Variants in SNTB1 observed in about 807,000 individuals in gnomAD.
SNTB1 encodes the protein beta-1-syntrophin.
Under a neutral mutation model 48.9 loss-of-function variants are expected in SNTB1, and 36 were observed. That is an observed-to-expected ratio of 0.74 (90% CI 0.56 to 0.97). SNTB1 has a LOEUF of 0.97. Ranked by LOEUF, SNTB1 falls within the 50% of genes least tolerant of loss-of-function variation. The probability of loss-of-function intolerance (pLI) is 0.00; values close to 1 mark genes in which losing one functional copy is unlikely to be tolerated. For synonymous variants in SNTB1, 299 were observed against 294.6 expected (o/e 1.01, Z -0.15); for missense variants, 786 against 703.4 (o/e 1.12, Z -1.33).
At chr8:120,589,006 G>A (rs1464815864) in intron 3 of SNTB1, among the ~76,000 whole-genome samples, 1 of 152,156 alleles carries the variant, frequency 6.6e-6, no homozygotes, top group Non-Finnish European at 1.5e-5. Flanking sequence ...TTCTACCAGT[G>A]ACCAGTCTCC....
rs563492807 is a variant in SNTB1, at chr8:120,561,310, ACTCCAT to A, written c.1137-12358_1137-12353del. Reference sequence around the variant, plus strand: ...ACTCCAGCCTGGGTGACAGAGTGAAACTCCATCTCAAAAAAAAAAAAAAAAAAAAAG... The same window carrying A: ...ACTCCAGCCTGGGTGACAGAGTGAAACTCAAAAAAAAAAAAAAAAAAAAAG... On this transcript the variant is annotated intron_variant, in intron 4 of 6. Coordinates refer to ENST00000517992, the MANE Select transcript of SNTB1 (RefSeq NM_021021.4). 7.2e-3 allele frequency among the ~76,000 whole-genome samples: 989 copies of A among 138,006 alleles called. 5 individuals carry two copies. The highest frequency in any genetic ancestry group is 0.011 in the Non-Finnish European group (708 of 63,900). 90.5% of individuals were successfully genotyped at this position (138,006 alleles called of 152,430 possible). A position where few individuals can be genotyped will look rare whatever the true frequency, so the allele number is the denominator to read the frequency against.
intron 3 of SNTB1, among the ~76,000 whole-genome samples, chr8:120,587,130 A>G (rs1271213405): frequency 1.3e-5 from 2 of 152,206 alleles, no homozygotes; most frequent in Non-Finnish European, 2.9e-5. Flanking sequence ...TTGAGGCAGG[A>G]GAATCGCTTG....
At chr8:120,692,937 A>G (rs1056911634) in intron 2 of SNTB1, among the ~76,000 whole-genome samples, 53 of 152,184 alleles carry the variant, frequency 3.5e-4, no homozygotes, top group Non-Finnish European at 2.4e-4. Flanking sequence ...AGGTAATTTA[A>G]GGAAAGAGGT....
At position 120,565,583 on chromosome 8, in the gene SNTB1, C is replaced by G. The variant is rs1815735809; in HGVS notation, c.1136+9503G>C. Among the ~76,000 whole-genome samples the G allele has an allele frequency of 1.3e-5, 2 of 152,160 alleles. 1 individual carries two copies. Among genetic ancestry groups the G allele is most frequent in the South Asian group, 4.1e-4 (2 of 4,826 alleles). Reference sequence around the variant, plus strand: ...ACCAGGGAAAATGCTAGAAGGTCATCTAAGTGAAAAGGAAGGGCAGCAGCA... The same window carrying G: ...ACCAGGGAAAATGCTAGAAGGTCATGTAAGTGAAAAGGAAGGGCAGCAGCA... On this transcript the variant is annotated intron_variant, in intron 4 of 6. Transcript: ENST00000517992.
At chr8:120,625,569 G>A (rs1816859869) in intron 3 of SNTB1, among the ~76,000 whole-genome samples, 1 of 152,164 alleles carries the variant, frequency 6.6e-6, no homozygotes. Flanking sequence ...GATGATGGAG[G>A]CAATCTGAAT....
chr8:120,645,479 T>C (rs1050772881), intron 2 of SNTB1, among the ~76,000 whole-genome samples: 336 of 151,912 alleles, frequency 2.2e-3, no homozygotes, highest in African/African-American at 7.2e-3. Context: ...GTTGTAGACA[T>C]GCGGCATTAT....
At chr8:120,735,023 A>T (rs1271320609) in intron 1 of SNTB1, among the ~76,000 whole-genome samples, 1 of 152,218 alleles carries the variant, frequency 6.6e-6, no homozygotes, top group East Asian at 1.9e-4. Flanking sequence ...AAAAGCAGTC[A>T]AACTACTTAG....
intron 2 of SNTB1, among the ~76,000 whole-genome samples, chr8:120,649,798 G>A (rs1172782519): frequency 6.6e-6 from 1 of 152,150 alleles, no homozygotes; most frequent in South Asian, 2.1e-4. Context: ...ATCTCAGACT[G>A]CTGTGCTAGC....
chr8:120,546,861 T>C (rs2130649423), intron 5 of SNTB1, among the ~76,000 whole-genome samples: 1 of 152,332 alleles, frequency 6.6e-6, no homozygotes, highest in Non-Finnish European at 1.5e-5. Flanking sequence ...TATCATCATT[T>C]CTCTCTGTAT....
intron 2 of SNTB1, among the ~76,000 whole-genome samples, chr8:120,651,320 T>G (rs140669591): frequency 1.4e-4 from 21 of 152,356 alleles, no homozygotes; most frequent in Middle Eastern, 3.4e-3. Flanking sequence ...GAAAGATGCA[T>G]GAGTCTTTTG....
intron 1 of SNTB1, among the ~76,000 whole-genome samples, chr8:120,729,984 A>G (rs201359363): frequency 6.6e-6 from 1 of 152,214 alleles, no homozygotes; most frequent in East Asian, 1.9e-4. Flanking sequence ...CTGCGAAAGC[A>G]GTTGTCTCAC....
chr8:120,674,031 G>T (rs1817796870), intron 2 of SNTB1, among the ~76,000 whole-genome samples: 3 of 152,130 alleles, frequency 2.0e-5, no homozygotes, highest in Admixed American at 2.0e-4. Flanking sequence ...GAGCCTCATG[G>T]GTTTGGCAAA....
At chr8:120,650,408 T>C (rs1817393446) in intron 2 of SNTB1, among the ~76,000 whole-genome samples, 1 of 152,164 alleles carries the variant, frequency 6.6e-6, no homozygotes, top group African/African-American at 2.4e-5. Flanking sequence ...TGCCAAATTA[T>C]TTGTCAATTA....
intron 1 of SNTB1, among the ~76,000 whole-genome samples, chr8:120,695,057 A>G (rs1818189838): frequency 6.6e-6 from 1 of 152,170 alleles, no homozygotes; most frequent in South Asian, 2.1e-4. Flanking sequence ...TTGGGTTAAC[A>G]GGGCAACGAG....
intron 1 of SNTB1, among the ~76,000 whole-genome samples, chr8:120,721,929 C>T (rs1316228558): frequency 2.0e-5 from 3 of 149,356 alleles, no homozygotes; most frequent in Non-Finnish European, 4.4e-5. Flanking sequence ...TGATGTTCCC[C>T]ACCCTGTGAC....
chr8:120,784,172 T>C (rs1819877681), intron 1 of SNTB1, among the ~76,000 whole-genome samples: 1 of 152,076 alleles, frequency 6.6e-6, no homozygotes, highest in Non-Finnish European at 1.5e-5. Context: ...TTTTGTATTT[T>C]TAGTAGAGAC....
At chr8:120,561,205 T>C (rs1374503099) in intron 4 of SNTB1, among the ~76,000 whole-genome samples, 1 of 150,348 alleles carries the variant, frequency 6.7e-6, no homozygotes, top group African/African-American at 2.5e-5. Flanking sequence ...CACATGCCTG[T>C]AATCCCAACT....
At chr8:120,799,809 T>G (rs2130175413) in intron 1 of SNTB1, among the ~76,000 whole-genome samples, 1 of 152,098 alleles carries the variant, frequency 6.6e-6, no homozygotes, top group Middle Eastern at 3.4e-3. Flanking sequence ...ACCTAACAAA[T>G]CTATTTATTA....
At chr8:120,759,962 C>T (rs1309235762) in intron 1 of SNTB1, among the ~76,000 whole-genome samples, 1 of 152,088 alleles carries the variant, frequency 6.6e-6, no homozygotes, top group Non-Finnish European at 1.5e-5. Flanking sequence ...AAAAAGCAGC[C>T]ATTTCTGTAA....
Sources: allele counts gnomAD v4.1 joint callset (sites outside exome capture counted in the v4.1 genomes callset), GRCh38; gene constraint gnomAD v4.1.1; transcripts MANE v1.5; gene names NCBI Gene and HGNC (gene_info 2026-07-23, HGNC 2026-07-21).